RYR3: variants seen among roughly 807,000 people sequenced by gnomAD.
RYR3 encodes ryanodine receptor 3.
A neutral mutation model predicts 584.3 loss-of-function variants in RYR3; 207 were observed. That is an observed-to-expected ratio of 0.35 (90% CI 0.32 to 0.40). RYR3 has a LOEUF of 0.40. RYR3 is among the 10% of genes least tolerant of loss of function. The probability of loss-of-function intolerance (pLI) is 1.00; values close to 1 mark genes in which losing one functional copy is unlikely to be tolerated. For synonymous variants in RYR3, 2,416 were observed against 2,248.5 expected (o/e 1.07, Z -2.11); for missense variants, 5,616 against 6,089.2 (o/e 0.92, Z 2.59).
At chr15:33,594,274 C>T (rs965092307) in intron 16 of RYR3, among the ~76,000 whole-genome samples, 2 of 152,150 alleles carry the variant, frequency 1.3e-5, no homozygotes, top group Non-Finnish European at 2.9e-5. Context: ...TCCAACTGTG[C>T]CCTATTACAA....
chr15:33,330,206 A>C (rs1278997950), intron 1 of RYR3, among the ~76,000 whole-genome samples: 1 of 152,192 alleles, frequency 6.6e-6, no homozygotes, highest in East Asian at 1.9e-4. Context: ...CTTTGTCCCA[A>C]AATCATCAGG....
At chr15:33,826,388 A>C (rs1206264916) in intron 83 of RYR3, 119 bp downstream of exon 83, 12 of 1,025,652 alleles carry the variant, frequency 1.2e-5, no homozygotes, top group Non-Finnish European at 1.7e-5. Flanking sequence ...TGAACTCAGC[A>C]GTTTGGTACT....
intron 29 of RYR3, among the ~76,000 whole-genome samples, chr15:33,647,148 C>A (rs1025616584): frequency 3.3e-4 from 51 of 152,306 alleles, no homozygotes; most frequent in African/African-American, 1.2e-3. Flanking sequence ...TCAGAGGTAT[C>A]CCTACTTATA....
chr15:33,493,265 G>A lies in RYR3; in HGVS notation c.172-10366G>A, dbSNP rs140849257. 2.6e-5 allele frequency among the ~76,000 whole-genome samples: 4 copies of A among 152,166 alleles called. No homozygotes were observed. The East Asian group carries it at 7.7e-4, about 29-fold the overall frequency. ...CCCTAACTTATCGATGGGACACTGT[G>A]GTTGATTTTTATCTCCCGTTTGACA... is the stretch of plus-strand genomic sequence containing the variant. On this transcript the variant is annotated intron_variant, in intron 2 of 103. Transcript: ENST00000634891.
intron 15 of RYR3, 41 bp downstream of exon 15, chr15:33,584,531 G>GTT (rs143908984): frequency 7.4e-5 from 58 of 782,156 alleles, no homozygotes; most frequent in South Asian, 1.5e-4. Flanking sequence ...AAGATGAAGG[G>GTT]TTTTTTTTTT....
At chr15:33,746,803 CTTTT>C (rs367738785) in intron 53 of RYR3, among the ~76,000 whole-genome samples, 5 of 135,692 alleles carry the variant, frequency 3.7e-5, no homozygotes, top group Admixed American at 7.4e-5. Flanking sequence ...TTTCTTTCTT[CTTTT>C]TTTTTTTTTT....
intron 1 of RYR3, among the ~76,000 whole-genome samples, chr15:33,372,172 G>GT (rs536622656): frequency 6.7e-4 from 102 of 152,192 alleles, no homozygotes; most frequent in African/African-American, 2.4e-3. Flanking sequence ...GAAGAAACAG[G>GT]TTTTGATATT....
At chr15:33,731,811 A>G (rs757061840) in intron 48 of RYR3, 117 bp downstream of exon 48, 5 of 712,150 alleles carry the variant, frequency 7.0e-6, no homozygotes, top group Admixed American at 4.2e-5. Flanking sequence ...ATTGTCATAC[A>G]CCAGCCCTCC....
chr15:33,847,943 G>A (rs545666947), intron 93 of RYR3, among the ~76,000 whole-genome samples: 1 of 152,254 alleles, frequency 6.6e-6, no homozygotes, highest in Admixed American at 6.5e-5. Context: ...CTAAATCTTG[G>A]TTCAACTCCA....
chr15:33,647,540 C>T (rs1432282326), intron 30 of RYR3, 80 bp downstream of exon 30: 2 of 1,011,410 alleles, frequency 2.0e-6, no homozygotes, highest in Non-Finnish European at 3.1e-6. Flanking sequence ...CAGCAAAGAT[C>T]CGTCTAGAGA....
chr15:33,707,782 A>C (rs1237638761), intron 43 of RYR3, among the ~76,000 whole-genome samples: 1 of 152,160 alleles, frequency 6.6e-6, no homozygotes, highest in Non-Finnish European at 1.5e-5. Flanking sequence ...AGGTGATCTC[A>C]AAGAGAGATT....
At chr15:33,511,443 T>C (rs1332884543) in intron 3 of RYR3, among the ~76,000 whole-genome samples, 1 of 152,162 alleles carries the variant, frequency 6.6e-6, no homozygotes, top group Non-Finnish European at 1.5e-5. Flanking sequence ...TGTTTTGTTT[T>C]TGATTTTGCT....
intron 1 of RYR3, among the ~76,000 whole-genome samples, chr15:33,442,584 A>C (rs1358426164): frequency 1.3e-5 from 2 of 152,226 alleles, no homozygotes; most frequent in Admixed American, 6.5e-5. Flanking sequence ...GCTGATAACA[A>C]AGACAGTTAA....
chr15:33,780,395 G>A (rs1480391765), intron 65 of RYR3, 54 bp downstream of exon 65: 29 of 1,585,026 alleles, frequency 1.8e-5, no homozygotes, highest in Non-Finnish European at 2.3e-5. Context: ...GAGAGGAGAG[G>A]AGCCACACAG....
intron 94 of RYR3, chr15:33,851,075 T>C (rs982166822): frequency 3.3e-5 from 5 of 152,222 alleles, no homozygotes; most frequent in African/African-American, 9.6e-5. Context: ...TATATAGCTA[T>C]AGTTTGTTCA....
chr15:33,420,472 G>A (rs533936164), intron 1 of RYR3, among the ~76,000 whole-genome samples: 2 of 152,240 alleles, frequency 1.3e-5, no homozygotes, highest in Admixed American at 6.5e-5. Flanking sequence ...TGGATTTCTT[G>A]TAGACCATTC....
chr15:33,722,103 G>GT (rs1177781788), intron 43 of RYR3, among the ~76,000 whole-genome samples: 1 of 152,164 alleles, frequency 6.6e-6, no homozygotes, highest in Non-Finnish European at 1.5e-5. Context: ...CTCTGTGAGA[G>GT]TATTAGGGTA....
chr15:33,670,673 G>T (rs1014580596), intron 38 of RYR3, 117 bp downstream of exon 38: 1 of 1,039,718 alleles, frequency 9.6e-7, no homozygotes, highest in Admixed American at 3.3e-5. Flanking sequence ...GAAAGCATCT[G>T]GGCAGTATGT....
In RYR3 at chr15:33,617,411, C is replaced by CAAA. The variant is rs200334863; in HGVS notation, c.2357+4044_2357+4046dup. ...TGGGCGACAGAGTGAGACTCTGACTCAAAAAAAAAACGTATTTTATAATGA... is the reference window on the plus strand; with the variant it reads ...TGGGCGACAGAGTGAGACTCTGACTCAAAAAAAAAAAAACGTATTTTATAATGA... On this transcript the variant is annotated intron_variant, in intron 19 of 103. Coordinates refer to ENST00000634891, the MANE Select transcript of RYR3 (RefSeq NM_001036.6). Among the ~76,000 whole-genome samples, 450 of 143,406 alleles carry CAAA rather than the reference C, an allele frequency of 3.1e-3. 1 individual carries two copies. The highest frequency in any genetic ancestry group is 0.011 in the African/African-American group (415 of 39,172). The allele number at this position is 143,406 out of a possible 152,430, so 94.1% of individuals were successfully genotyped here. A position where few individuals can be genotyped will look rare whatever the true frequency, so the allele number is the denominator to read the frequency against.
Sources: allele counts gnomAD v4.1 joint callset (sites outside exome capture counted in the v4.1 genomes callset), GRCh38; gene constraint gnomAD v4.1.1; transcripts MANE v1.5; gene names NCBI Gene and HGNC (gene_info 2026-07-23, HGNC 2026-07-21).